ABCG4: variants seen among roughly 807,000 people sequenced by gnomAD.
ABCG4 encodes the protein ATP-binding cassette sub-family G member 4.
Under a neutral mutation model 64.6 loss-of-function variants are expected in ABCG4, and 35 were observed. The observed-to-expected ratio is 0.54, with a 90% CI of 0.41 to 0.72. ABCG4 has a LOEUF of 0.72. Ranked by LOEUF, ABCG4 falls within the 30% of genes least tolerant of loss-of-function variation. The probability of loss-of-function intolerance (pLI) is 0.00; values close to 1 mark genes in which losing one functional copy is unlikely to be tolerated. For missense variants in ABCG4, 610 were observed against 846.3 expected, an observed-to-expected ratio of 0.72 and a Z score of 3.46; for synonymous variants, 326 against 348.2, an observed-to-expected ratio of 0.94 and a Z score of 0.71.
In ABCG4 at chr11:119,161,240, C is replaced by T; in HGVS notation, c.*134C>T. On this transcript the variant is annotated 3_prime_UTR_variant, in exon 15 of 15. Transcript: ENST00000619701. ...ATCCTCTCCTCCCTTGGCTCCTCCA[C>T]AGGCTGGCTGTCGGACTGCGCTCCC... The T allele has an allele frequency of 1.2e-6, 1 of 813,310 alleles. No individual in the cohort carries two copies. Among genetic ancestry groups the T allele is most frequent in the South Asian group, 1.8e-5 (1 of 54,590 alleles). The allele number at this position is 813,310 out of a possible 1,614,324, so 50.4% of individuals were successfully genotyped here. A position where few individuals can be genotyped will look rare whatever the true frequency, so the allele number is the denominator to read the frequency against.
In ABCG4 at chr11:119,154,862, C is replaced by CG; in HGVS notation, c.634dup (p.Ala212GlyfsTer14). The stretch of plus-strand genomic sequence containing the variant: ...GCGGGCAGAGGAAGCGTCTGGCCAT[C>CG]GCCCTGGAGCTGGTCAACAACCCGC... On this transcript the variant is annotated frameshift_variant, in exon 6 of 15. Coordinates refer to ENST00000619701, the MANE Select transcript of ABCG4 (RefSeq NM_022169.5). LOFTEE classifies it high-confidence loss of function. This position sits in a 1 kb window ranked among gnomAD's most constrained non-coding sequence, Gnocchi z 7.0. 6.2e-7 allele frequency: 1 copy of CG among 1,613,952 alleles called. No homozygotes were observed. The highest frequency in any genetic ancestry group is 8.5e-7 in the Non-Finnish European group (1 of 1,179,804).
In ABCG4 at chr11:119,158,150, T is replaced by C; in HGVS notation, c.1069-84T>C. On this transcript the variant is annotated intron_variant, in intron 9 of 14. Coordinates refer to ENST00000619701, the MANE Select transcript of ABCG4 (RefSeq NM_022169.5). The surrounding 1 kb of genome is among the most constrained non-coding windows in gnomAD (Gnocchi z 4.5). Reference sequence around the variant, plus strand: ...GGACCCCTACCCTGGGGAAGAGCTCTGAGGTTTTTCATTCACTGAGCTGGG... The same window carrying C: ...GGACCCCTACCCTGGGGAAGAGCTCCGAGGTTTTTCATTCACTGAGCTGGG... The C allele has an allele frequency of 1.8e-6, 2 of 1,139,644 alleles. No individual in the cohort carries two copies. The highest frequency in any genetic ancestry group is 2.5e-6 in the Non-Finnish European group (2 of 796,050). 70.6% of individuals were successfully genotyped at this position (1,139,644 alleles called of 1,614,324 possible).
At chr11:119,157,727 G>A (rs1380273493) in intron 9 of ABCG4, among the ~76,000 whole-genome samples, 2 of 142,780 alleles carry the variant, frequency 1.4e-5, no homozygotes, top group Admixed American at 6.8e-5. Flanking sequence ...TTAGCCGGGC[G>A]TGGTGGCGGG....
At chr11:119,159,059 GGTGA>G (rs1948309484) in intron 12 of ABCG4, 130 bp downstream of exon 12, 1 of 855,656 alleles carries the variant, frequency 1.2e-6, no homozygotes, top group South Asian at 1.5e-5. Flanking sequence ...GCAAATAGAT[GGTGA>G]GTACCTGTCA....
Position 119,154,021 on chromosome 11 carries a change from T to C in ABCG4, c.239-5T>C, listed in dbSNP as rs754171693. 4 of 1,613,716 alleles carry C rather than the reference T, an allele frequency of 2.5e-6. No individual in the cohort carries two copies. The highest frequency in any genetic ancestry group is 1.7e-4 in the Middle Eastern group (1 of 6,046). ...GACTAAAAATTCCTCCCCACCTCAC[T>C]GCAGGTTATAAGACCCTTCTCAAGT... On this transcript the variant is annotated splice_polypyrimidine_tract_variant and splice_region_variant and intron_variant, in intron 2 of 14. Coordinates refer to ENST00000619701, the MANE Select transcript of ABCG4 (RefSeq NM_022169.5). This position sits in a 1 kb window ranked among gnomAD's most constrained non-coding sequence, Gnocchi z 7.0.
rs1052645717 is a variant in ABCG4 at position 119,149,912 on chromosome 11, C to T, written c.-12-42C>T. ...GAACGCCAGGGAGCTTTGAGCCGGG[C>T]TCGGTGGTCTGCCCCAAACTGAGCA... On this transcript the variant is annotated intron_variant, in intron 1 of 14. Transcript: ENST00000619701. This position sits in a 1 kb window ranked among gnomAD's most constrained non-coding sequence, Gnocchi z 8.3. The T allele has an allele frequency of 1.3e-6, 2 of 1,567,224 alleles. No individual in the cohort carries two copies. The highest frequency in any genetic ancestry group is 2.7e-5 in the African/African-American group (2 of 73,908).
chr11:119,161,215 A>G lies in ABCG4; in HGVS notation c.*109A>G. The stretch of plus-strand genomic sequence containing the variant: ...TTGGGCACTGGTTCCTGGCGGGGCT[A>G]TCCTCTCCTCCCTTGGCTCCTCCAC... On this transcript the variant is annotated 3_prime_UTR_variant, in exon 15 of 15. Coordinates refer to ENST00000619701, the MANE Select transcript of ABCG4 (RefSeq NM_022169.5). The G allele has an allele frequency of 9.6e-7, 1 of 1,038,638 alleles. No individual in the cohort carries two copies. Among genetic ancestry groups the G allele is most frequent in the African/African-American group, 1.6e-5 (1 of 62,460 alleles). 64.3% of individuals were successfully genotyped at this position (1,038,638 alleles called of 1,614,324 possible). A position where few individuals can be genotyped will look rare whatever the true frequency, so the allele number is the denominator to read the frequency against.
rs767725331 is a variant in ABCG4 at position 119,158,738 on chromosome 11, G to T, written c.1336+13G>T. 1.4e-5 allele frequency: 22 copies of T among 1,614,034 alleles called. No homozygotes were observed. Among genetic ancestry groups the T allele is most frequent in the East Asian group, 2.2e-5 (1 of 44,900 alleles). The stretch of plus-strand genomic sequence containing the variant: ...ACTGTGCTCACCTGTGAGCTGAGCT[G>T]CCCTGGGCATGGGGCAAGGGTGTGG... On this transcript the variant is annotated intron_variant, in intron 11 of 14. Coordinates refer to ENST00000619701, the MANE Select transcript of ABCG4 (RefSeq NM_022169.5). This position sits in a 1 kb window ranked among gnomAD's most constrained non-coding sequence, Gnocchi z 4.5.
intron 9 of ABCG4, among the ~76,000 whole-genome samples, chr11:119,157,473 C>T (rs1375547984): frequency 6.6e-6 from 1 of 152,210 alleles, no homozygotes; most frequent in Non-Finnish European, 1.5e-5. Context: ...AGTTCTCTTC[C>T]TTAAATGAGA....
Position 119,149,801 on chromosome 11 carries a change from A to G in ABCG4, c.-12-153A>G. Reference sequence around the variant, plus strand: ...CGGGACTGAGCGTCTCCGTGCGGAGAGTGGGGGGCGGGGGCAGAGTGCGGG... The same window carrying G: ...CGGGACTGAGCGTCTCCGTGCGGAGGGTGGGGGGCGGGGGCAGAGTGCGGG... On this transcript the variant is annotated intron_variant, in intron 1 of 14. Transcript: ENST00000619701. This position sits in a 1 kb window ranked among gnomAD's most constrained non-coding sequence, Gnocchi z 8.3. 6.6e-6 allele frequency: 8 copies of G among 1,221,184 alleles called. 1 individual carries two copies. The South Asian group carries it at 1.3e-4, about 19-fold the overall frequency. 75.6% of individuals were successfully genotyped at this position (1,221,184 alleles called of 1,614,324 possible).
At position 119,162,419 on chromosome 11, in the gene ABCG4, C is replaced by T. The variant is rs1302646478; in HGVS notation, c.*1313C>T. 1 of 152,700 alleles carries T rather than the reference C, an allele frequency of 6.5e-6. No homozygotes were observed. The highest frequency in any genetic ancestry group is 1.5e-5 in the Non-Finnish European group (1 of 68,080). 9.5% of individuals were successfully genotyped at this position (152,700 alleles called of 1,614,324 possible). On this transcript the variant is annotated 3_prime_UTR_variant, in exon 15 of 15. Coordinates refer to ENST00000619701, the MANE Select transcript of ABCG4 (RefSeq NM_022169.5). The stretch of plus-strand genomic sequence containing the variant: ...AGGTGGCCCCTGGGCATCAGAACAG[C>T]CTGCCCTGGGCACCAGGTGGCAGAC...
At position 119,155,984 on chromosome 11, in the gene ABCG4, C is replaced by T; in HGVS notation, c.687-345C>T. On this transcript the variant is annotated intron_variant, in intron 6 of 14. Coordinates refer to ENST00000619701, the MANE Select transcript of ABCG4 (RefSeq NM_022169.5). The surrounding 1 kb of genome is among the most constrained non-coding windows in gnomAD (Gnocchi z 4.5). ...CTGCTACAGCTGAGCTGAATCCGCC[C>T]CCTCTTTCACCCAGTGTTGCTACAG... is the stretch of plus-strand genomic sequence containing the variant. 3.7e-6 allele frequency: 1 copy of T among 269,250 alleles called. No homozygotes were observed. The highest frequency in any genetic ancestry group is 4.4e-5 in the South Asian group (1 of 22,886). 16.7% of individuals were successfully genotyped at this position (269,250 alleles called of 1,614,324 possible).
At position 119,160,976 on chromosome 11, in the gene ABCG4, G is replaced by A. The variant is rs1233138623; in HGVS notation, c.1811G>A (p.Ser604Asn). The change falls in exon 15 of 15, where the codon AGC becomes AAC. Residue 604 changes from serine (S) to asparagine (N), a missense_variant. Ser to Asn is a conservative substitution (Grantham distance 46). Transcript: ENST00000619701. This position sits in a 1 kb window ranked among gnomAD's most constrained non-coding sequence, Gnocchi z 4.6. ...EERCPFREPQSILRALDVEDA... is the reference protein window; with the variant it reads ...EERCPFREPQNILRALDVEDA... ...CGCTGCCCGTTCCGGGAGCCACAGA[G>A]CATCCTCCGAGCGCTGGATGTGGAG... 1 of 1,614,098 alleles carries A rather than the reference G, an allele frequency of 6.2e-7. No individual in the cohort carries two copies. The highest frequency in any genetic ancestry group is 1.7e-5 in the Admixed American group (1 of 60,016).
At position 119,160,933 on chromosome 11, in the gene ABCG4, C is replaced by G; in HGVS notation, c.1768C>G (p.Leu590Val). The G allele has an allele frequency of 1.2e-6, 2 of 1,614,052 alleles. No homozygotes were observed. Among genetic ancestry groups the G allele is most frequent in the Non-Finnish European group, 1.7e-6 (2 of 1,179,970 alleles). ...GATCTATGGCATGGAGCGAGGAGAC[C>G]TGACATGTTTAGAGGAACGCTGCCC... ...LTIYGMERGD[L>V]TCLEERCPFR... The change falls in exon 15 of 15, where the codon CTG becomes GTG. Residue 590 changes from leucine (L) to valine (V), a missense_variant. Transcript: ENST00000619701. The surrounding 1 kb of genome is among the most constrained non-coding windows in gnomAD (Gnocchi z 4.6).
At chr11:119,151,183 C>G (rs1948189540) in intron 2 of ABCG4, among the ~76,000 whole-genome samples, 1 of 152,236 alleles carries the variant, frequency 6.6e-6, no homozygotes, top group African/African-American at 2.4e-5. Context: ...GAGACCAGCT[C>G]TGGGCAAAAT....
intron 2 of ABCG4, 74 bp from the exon 3 acceptor site, chr11:119,153,952 G>T: frequency 7.8e-7 from 1 of 1,276,396 alleles, no homozygotes. Flanking sequence ...GATAGCCATG[G>T]CTGCTCCTAA....
chr11:119,149,894 A>G lies in ABCG4; in HGVS notation c.-12-60A>G, dbSNP rs767388465. 3.8e-5 allele frequency: 58 copies of G among 1,539,464 alleles called. No individual in the cohort carries two copies. Among genetic ancestry groups the G allele is most frequent in the Non-Finnish European group, 4.8e-5 (55 of 1,149,274 alleles). ...GGGGCGGGGGAAGCATTAGAACGCC[A>G]GGGAGCTTTGAGCCGGGCTCGGTGG... On this transcript the variant is annotated intron_variant, in intron 1 of 14. Transcript: ENST00000619701. This position sits in a 1 kb window ranked among gnomAD's most constrained non-coding sequence, Gnocchi z 8.3.
rs1263502751 is a variant in ABCG4 at position 119,155,805 on chromosome 11, C to T, written c.687-524C>T. On this transcript the variant is annotated intron_variant, in intron 6 of 14. Coordinates refer to ENST00000619701, the MANE Select transcript of ABCG4 (RefSeq NM_022169.5). The surrounding 1 kb of genome is among the most constrained non-coding windows in gnomAD (Gnocchi z 4.5). ...ATAATACTGAGTTGCTTGTAATTCC[C>T]TGGTCAAGCCACATGTTTCATGCCT... The T allele has an allele frequency of 6.3e-6, 1 of 158,966 alleles. No individual in the cohort carries two copies. The highest frequency in any genetic ancestry group is 1.4e-5 in the Non-Finnish European group (1 of 72,134). The allele number at this position is 158,966 out of a possible 1,614,324, so 9.8% of individuals were successfully genotyped here. A position where few individuals can be genotyped will look rare whatever the true frequency, so the allele number is the denominator to read the frequency against.
At chr11:119,159,480 G>A (rs1948316377) in intron 12 of ABCG4, among the ~76,000 whole-genome samples, 1 of 152,188 alleles carries the variant, frequency 6.6e-6, no homozygotes, top group South Asian at 2.1e-4. Context: ...GCAAGATCTT[G>A]GGCAAATCAC....
Sources: allele counts gnomAD v4.1 joint callset (sites outside exome capture counted in the v4.1 genomes callset), GRCh38; gene constraint gnomAD v4.1.1; non-coding constraint Gnocchi (gnomAD v3.1); transcripts MANE v1.5; gene names NCBI Gene and HGNC (gene_info 2026-07-23, HGNC 2026-07-21).